FOCAD: variants seen among roughly 807,000 people sequenced by gnomAD.
FOCAD encodes the protein focadhesin, also known as KIAA1797.
Under a neutral mutation model 225.6 loss-of-function variants are expected in FOCAD, and 198 were observed. That is an observed-to-expected ratio of 0.88 (90% CI 0.78 to 0.99). FOCAD has a LOEUF of 0.99. FOCAD is among the 50% of genes least tolerant of loss of function. The probability of loss-of-function intolerance (pLI) is 0.00; values close to 1 mark genes in which losing one functional copy is unlikely to be tolerated. For missense variants in FOCAD, 2,713 were observed against 2,123.6 expected, an observed-to-expected ratio of 1.28 and a Z score of -5.46; for synonymous variants, 897 against 755.0, an observed-to-expected ratio of 1.19 and a Z score of -3.08.
intron 11 of FOCAD, among the ~76,000 whole-genome samples, chr9:20,801,683 T>C: frequency 6.6e-6 from 1 of 152,188 alleles, no homozygotes; most frequent in Non-Finnish European, 1.5e-5. Flanking sequence ...TGTGCTGTAT[T>C]AGTTCTTTAC....
rs777228997 is a variant in FOCAD at position 20,988,381 on chromosome 9, A to C, written c.4956A>C (p.Arg1652Ser). The C allele has an allele frequency of 1.1e-5, 18 of 1,612,448 alleles. No individual in the cohort carries two copies. Among genetic ancestry groups the C allele is most frequent in the Non-Finnish European group, 1.4e-5 (17 of 1,179,182 alleles). ...EWLLELMGYIRNVAYQSTSFH... is the reference protein window; with the variant it reads ...EWLLELMGYISNVAYQSTSFH... ...TCTTGGAACTGATGGGTTATATTAG[A>C]AATGTTGCTTACCAGTCAACATCCT... The change falls in exon 41 of 44, where the codon AGA becomes AGC. Residue 1652 changes from arginine (R) to serine (S), a missense_variant. By Grantham distance (110) the Arg-to-Ser change is moderately radical. Coordinates refer to ENST00000338382, the MANE Select transcript of FOCAD (RefSeq NM_001375567.1).
At chr9:20,762,345 G>A (rs184946651) in intron 6 of FOCAD, among the ~76,000 whole-genome samples, 5 of 152,276 alleles carry the variant, frequency 3.3e-5, no homozygotes, top group Admixed American at 3.3e-4. Flanking sequence ...TAATTTTGAA[G>A]TGAAAAGTCC....
chr9:20,679,985 G>T (rs184162002), upstream of FOCAD, among the ~76,000 whole-genome samples: 3 of 152,312 alleles, frequency 2.0e-5, no homozygotes, highest in East Asian at 5.8e-4. Flanking sequence ...CAGTGAACCA[G>T]CTGTAGAGAG....
intron 27 of FOCAD, 75 bp from the exon 28 acceptor site, chr9:20,932,939 A>G (rs568789207): frequency 1.6e-5 from 17 of 1,057,772 alleles, no homozygotes; most frequent in African/African-American, 1.1e-4. Context: ...TATTGAGAGT[A>G]TAATATTGTA....
intron 1 of FOCAD, among the ~76,000 whole-genome samples, chr9:20,707,957 T>C (rs10125035): frequency 0.06 from 9,098 of 152,176 alleles, 944 homozygotes; most frequent in African/African-American, 0.21. Context: ...TGGAAATACT[T>C]AGGGACTGGG....
At chr9:20,792,202 A>G (rs1042855179) in intron 11 of FOCAD, among the ~76,000 whole-genome samples, 12 of 152,316 alleles carry the variant, frequency 7.9e-5, no homozygotes, top group South Asian at 2.1e-4. Context: ...GTTTCTATCC[A>G]TAAGGTTTAA....
At chr9:20,759,320 G>A (rs911900995) in intron 6 of FOCAD, among the ~76,000 whole-genome samples, 2 of 152,084 alleles carry the variant, frequency 1.3e-5, no homozygotes, top group Admixed American at 1.3e-4. Context: ...TATACTACAA[G>A]GCTACAGTCA....
chr9:20,813,228 T>C (rs1823278186), intron 11 of FOCAD, among the ~76,000 whole-genome samples: 1 of 152,196 alleles, frequency 6.6e-6, no homozygotes. Context: ...TTCCATTGTA[T>C]GCATATACCA....
chr9:20,660,730 A>C (rs902827502), intron 2 of FOCAD, among the ~76,000 whole-genome samples: 2 of 152,242 alleles, frequency 1.3e-5, no homozygotes, highest in African/African-American at 4.8e-5. Flanking sequence ...GAAAAGTAGG[A>C]GAAAGCTGGT....
intron 5 of FOCAD, among the ~76,000 whole-genome samples, chr9:20,753,086 A>G (rs1437286666): frequency 6.6e-6 from 1 of 152,172 alleles, no homozygotes; most frequent in Non-Finnish European, 1.5e-5. Flanking sequence ...TTCTAGATAT[A>G]CAATCATGTT....
chr9:20,843,385 G>C (rs1826745542), intron 15 of FOCAD, among the ~76,000 whole-genome samples: 1 of 151,974 alleles, frequency 6.6e-6, no homozygotes, highest in Admixed American at 6.6e-5. Flanking sequence ...ACTGTTCAAG[G>C]ATAGAAATTT....
chr9:20,862,759 ATG>A, intron 16 of FOCAD, 47 bp downstream of exon 16: 1 of 1,577,730 alleles, frequency 6.3e-7, no homozygotes, highest in Non-Finnish European at 8.6e-7. Context: ...CATGGGAAAG[ATG>A]TGTGTTATAA....
intron 15 of FOCAD, among the ~76,000 whole-genome samples, chr9:20,838,111 G>A (rs1435471521): frequency 6.6e-6 from 1 of 151,974 alleles, no homozygotes; most frequent in Non-Finnish European, 1.5e-5. Flanking sequence ...TTCTTTTAAA[G>A]GTGTTTATTT....
chr9:20,937,908 A>G, intron 28 of FOCAD, among the ~76,000 whole-genome samples: 1 of 152,232 alleles, frequency 6.6e-6, no homozygotes, highest in East Asian at 1.9e-4. Flanking sequence ...CCCCATCAAC[A>G]AGTGGGCAAA....
intron 15 of FOCAD, among the ~76,000 whole-genome samples, chr9:20,824,566 C>G (rs748592372): frequency 6.6e-6 from 1 of 151,952 alleles, no homozygotes; most frequent in African/African-American, 2.4e-5. Context: ...TTTCCTCATT[C>G]CATTTCTCTA....
chr9:20,979,550 G>A (rs1324282724), intron 37 of FOCAD, among the ~76,000 whole-genome samples: 1 of 152,152 alleles, frequency 6.6e-6, no homozygotes, highest in African/African-American at 2.4e-5. Flanking sequence ...AGTTGGCAAG[G>A]CTGGTTTCGA....
Position 20,948,379 on chromosome 9 carries a change from A to C in FOCAD, c.3784A>C (p.Ile1262Leu), listed in dbSNP as rs1428704036. The change falls in exon 31 of 44, where the codon ATT (isoleucine) becomes CTT (leucine). Residue 1262 changes from isoleucine to leucine, a missense_variant. Coordinates refer to ENST00000338382, the MANE Select transcript of FOCAD (RefSeq NM_001375567.1). ...GSKLLPAWIR[I>L]VLTEGTPTML... ...CAAACTACTCCCTGCCTGGATCAGA[A>C]TTGTTCTAACAGAGGTAGAGGTCAC... The C allele has an allele frequency of 1.2e-6, 2 of 1,612,322 alleles. No homozygotes were observed. Among genetic ancestry groups the C allele is most frequent in the East Asian group, 4.5e-5 (2 of 44,784 alleles).
chr9:20,928,584 A>T (rs2132186298), intron 26 of FOCAD, among the ~76,000 whole-genome samples: 1 of 152,306 alleles, frequency 6.6e-6, no homozygotes, highest in South Asian at 2.1e-4. Flanking sequence ...AGAGCTCTCT[A>T]ACCTGGGATT....
intron 21 of FOCAD, among the ~76,000 whole-genome samples, chr9:20,899,013 T>G (rs1832340779): frequency 6.6e-6 from 1 of 151,898 alleles, no homozygotes; most frequent in Admixed American, 6.6e-5. Context: ...GCTAGAGTTG[T>G]CTGTTTCCCT....
Sources: allele counts gnomAD v4.1 joint callset (sites outside exome capture counted in the v4.1 genomes callset), GRCh38; gene constraint gnomAD v4.1.1; transcripts MANE v1.5; gene names NCBI Gene and HGNC (gene_info 2026-07-23, HGNC 2026-07-21).